EFR3A: variants seen among roughly 807,000 people sequenced by gnomAD.
The protein encoded by EFR3A is EFR3 homolog A.
A neutral mutation model predicts 104.4 loss-of-function variants in EFR3A; 76 were observed. That is an observed-to-expected ratio of 0.73 (90% CI 0.60 to 0.88). The LOEUF (loss-of-function observed/expected upper bound fraction) is 0.88. Among genes scored for constraint, EFR3A ranks in the 40% least tolerant of loss-of-function variants. The pLI is 0.00. For missense variants in EFR3A, 985 were observed against 1,012.5 expected, an observed-to-expected ratio of 0.97 and a Z score of 0.37; for synonymous variants, 330 against 330.0, an observed-to-expected ratio of 1.00 and a Z score of 0.00.
intron 1 of EFR3A, among the ~76,000 whole-genome samples, chr8:131,918,857 C>T (rs1049933243): frequency 5.9e-5 from 9 of 152,134 alleles, no homozygotes; most frequent in Non-Finnish European, 1.0e-4. Context: ...GGTTTTAAAG[C>T]TGTTTTAAAT....
chr8:131,914,883 C>G (rs534481157), intron 1 of EFR3A, among the ~76,000 whole-genome samples: 2 of 152,228 alleles, frequency 1.3e-5, no homozygotes, highest in Admixed American at 1.3e-4. Context: ...TCATTTGGCT[C>G]CCACTTATAA....
In EFR3A at chr8:132,013,445, C is replaced by T. The variant is rs1471891565; in HGVS notation, c.*2550C>T. 6.6e-6 allele frequency: 1 copy of T among 152,474 alleles called. No individual in the cohort carries two copies. The highest frequency in any genetic ancestry group is 1.5e-5 in the Non-Finnish European group (1 of 67,996). The allele number at this position is 152,474 out of a possible 1,614,324, so 9.4% of individuals were successfully genotyped here. A position where few individuals can be genotyped will look rare whatever the true frequency, so the allele number is the denominator to read the frequency against. ...CTCCCTACCCAAAATGTTTTTCTTC[C>T]TGTCTGAAAATGGAACTAATTTGTC... On this transcript the variant is annotated 3_prime_UTR_variant, in exon 23 of 23. Transcript: ENST00000254624.
chr8:131,984,420 A>C (rs1444224562), intron 15 of EFR3A, 120 bp downstream of exon 15: 2 of 943,010 alleles, frequency 2.1e-6, no homozygotes, highest in Non-Finnish European at 3.1e-6. Flanking sequence ...TTGTAAATCT[A>C]AAATACTCAA....
At chr8:131,952,703 G>A (rs938647593) in intron 5 of EFR3A, among the ~76,000 whole-genome samples, 6 of 152,132 alleles carry the variant, frequency 3.9e-5, no homozygotes, top group South Asian at 4.2e-4. Context: ...GTATAGACAC[G>A]GCTTTGAAAT....
At chr8:131,956,956 A>G (rs939933322) in intron 7 of EFR3A, among the ~76,000 whole-genome samples, 1 of 152,154 alleles carries the variant, frequency 6.6e-6, no homozygotes, top group African/African-American at 2.4e-5. Flanking sequence ...TAATACTCTT[A>G]GAACTAATCT....
chr8:131,912,237 G>C (rs1816544884), intron 1 of EFR3A, among the ~76,000 whole-genome samples: 1 of 152,162 alleles, frequency 6.6e-6, no homozygotes, highest in South Asian at 2.1e-4. Flanking sequence ...GGGTGGGTGT[G>C]CTCACAGCTA....
At chr8:131,960,931 G>A (rs1031142431) in intron 8 of EFR3A, among the ~76,000 whole-genome samples, 4 of 152,150 alleles carry the variant, frequency 2.6e-5, no homozygotes, top group Admixed American at 6.5e-5. Context: ...AGCCTCCGCT[G>A]CTGATACCCA....
At chr8:131,932,127 A>C (rs567422371) in intron 1 of EFR3A, among the ~76,000 whole-genome samples, 6 of 152,032 alleles carry the variant, frequency 3.9e-5, no homozygotes, top group African/African-American at 1.4e-4. Context: ...TTGTTGTACT[A>C]ATGTTATTGG....
At chr8:131,918,349 G>T (rs1229528003) in intron 1 of EFR3A, among the ~76,000 whole-genome samples, 1 of 152,166 alleles carries the variant, frequency 6.6e-6, no homozygotes, top group Non-Finnish European at 1.5e-5. Context: ...TTTTGACTTT[G>T]TGTTACTATA....
Position 131,959,665 on chromosome 8 carries a change from T to A in EFR3A, c.855+2T>A, listed in dbSNP as rs1428221079. ...AAAATTATAATGTATTCCATTCAGG[T>A]AAGGTTTGATTAACTATTTACTGTA... is the stretch of plus-strand genomic sequence containing the variant. On this transcript the variant is annotated splice_donor_variant, in intron 8 of 22. Coordinates refer to ENST00000254624, the MANE Select transcript of EFR3A (RefSeq NM_015137.6). LOFTEE classifies it high-confidence loss of function. 6.2e-7 allele frequency: 1 copy of A among 1,603,478 alleles called. No individual in the cohort carries two copies. Among genetic ancestry groups the A allele is most frequent in the Non-Finnish European group, 8.5e-7 (1 of 1,174,420 alleles).
chr8:131,908,384 G>T (rs978730682), intron 1 of EFR3A, among the ~76,000 whole-genome samples: 2 of 152,054 alleles, frequency 1.3e-5, no homozygotes, highest in East Asian at 3.9e-4. Context: ...ATATGCTCTC[G>T]CAATCAACAG....
intron 22 of EFR3A, among the ~76,000 whole-genome samples, chr8:132,009,968 T>C (rs916469394): frequency 6.6e-6 from 1 of 152,042 alleles, no homozygotes; most frequent in South Asian, 2.1e-4. Flanking sequence ...GAGAAAAATA[T>C]CTGAGTAGGA....
At chr8:131,936,918 G>T (rs187272316) in intron 1 of EFR3A, among the ~76,000 whole-genome samples, 3 of 151,966 alleles carry the variant, frequency 2.0e-5, no homozygotes, top group Admixed American at 6.6e-5. Context: ...ATAAAGGCGC[G>T]ATTGATTAAA....
chr8:131,986,542 G>A (rs770225093), intron 17 of EFR3A, among the ~76,000 whole-genome samples: 20 of 152,116 alleles, frequency 1.3e-4, no homozygotes, highest in East Asian at 9.7e-4. Flanking sequence ...CTAACACTTC[G>A]GGACGCTGAG....
intron 1 of EFR3A, among the ~76,000 whole-genome samples, chr8:131,909,780 G>T (rs1392184562): frequency 6.6e-6 from 1 of 152,182 alleles, no homozygotes; most frequent in Non-Finnish European, 1.5e-5. Flanking sequence ...CTGGAAGCCA[G>T]GAGTAACCCT....
intron 18 of EFR3A, among the ~76,000 whole-genome samples, chr8:131,990,103 A>G (rs964093287): frequency 3.9e-5 from 6 of 152,198 alleles, no homozygotes; most frequent in Non-Finnish European, 8.8e-5. Flanking sequence ...TGTGCAAGCA[A>G]AAGCCAGAAT....
intron 18 of EFR3A, among the ~76,000 whole-genome samples, chr8:131,992,872 G>C (rs1296588404): frequency 6.6e-6 from 1 of 152,262 alleles, no homozygotes; most frequent in South Asian, 2.1e-4. Flanking sequence ...CAAGCAGTTT[G>C]GGGGGCATGG....
intron 1 of EFR3A, among the ~76,000 whole-genome samples, chr8:131,925,050 C>G (rs12171637): frequency 0.17 from 25,814 of 151,872 alleles, 2,431 homozygotes; most frequent in East Asian, 0.33. Context: ...TAGAATGAAC[C>G]TTAGTCTTAG....
At chr8:131,994,019 A>G (rs1338644754) in intron 18 of EFR3A, among the ~76,000 whole-genome samples, 1 of 152,132 alleles carries the variant, frequency 6.6e-6, no homozygotes, top group African/African-American at 2.4e-5. Flanking sequence ...AATCTGTACA[A>G]CAAACCCCCA....
Sources: allele counts gnomAD v4.1 joint callset (sites outside exome capture counted in the v4.1 genomes callset), GRCh38; gene constraint gnomAD v4.1.1; transcripts MANE v1.5; gene names NCBI Gene and HGNC (gene_info 2026-07-23, HGNC 2026-07-21).